TENM2: variants seen among roughly 807,000 people sequenced by gnomAD.
TENM2 encodes the protein teneurin-2.
A neutral mutation model predicts 245.2 loss-of-function variants in TENM2; 52 were observed. The observed-to-expected ratio is 0.21, with a 90% CI of 0.17 to 0.27. The LOEUF (loss-of-function observed/expected upper bound fraction) is 0.27, where lower values mean the gene tolerates loss of function less well. Among genes scored for constraint, TENM2 ranks in the 10% least tolerant of loss-of-function variants. The pLI is 1.00. For synonymous variants in TENM2, 1,363 were observed against 1,438.9 expected (o/e 0.95, Z 1.19); for missense variants, 3,046 against 3,666.8 (o/e 0.83, Z 4.37).
chr5:166,994,451 T>G, the TENM2 span, among the ~76,000 whole-genome samples: 1 of 152,196 alleles, frequency 6.6e-6, no homozygotes, highest in African/African-American at 2.4e-5. Flanking sequence ...TGAGCCAAGT[T>G]TATTTCATAG....
rs553583820 is a variant in TENM2 at position 167,862,516 on chromosome 5, T to C, written c.503-13470T>C. On this transcript the variant is annotated intron_variant, in intron 2 of 28. Coordinates refer to ENST00000518659, the Ensembl canonical transcript of TENM2. ...TGGCTCATGTATATAGGCAGCATGA[T>C]TATCACTCTCCCAGTGTAAAGTTAA... Among the ~76,000 whole-genome samples, 57 of 152,320 alleles carry C rather than the reference T, an allele frequency of 3.7e-4. No homozygotes were observed. In the Middle Eastern group the frequency reaches 0.01, roughly 27 times the overall value.
At chr5:168,187,504 A>C (rs1330676290) in intron 13 of TENM2, 1 of 152,126 alleles carries the variant, frequency 6.6e-6, no homozygotes, top group Non-Finnish European at 1.5e-5. Context: ...ACCTTAAAGA[A>C]ATCTATAGTG....
At chr5:167,977,989 C>A (rs1283594780) in intron 4 of TENM2, among the ~76,000 whole-genome samples, 1 of 152,052 alleles carries the variant, frequency 6.6e-6, no homozygotes, top group Non-Finnish European at 1.5e-5. Context: ...TCTATTAGTT[C>A]CTGCAAGATC....
chr5:167,233,709 AG>A, the TENM2 span, among the ~76,000 whole-genome samples: 2 of 152,338 alleles, frequency 1.3e-5, no homozygotes, highest in South Asian at 2.1e-4. Flanking sequence ...TAAGTATAAA[AG>A]CCATTTAGAA....
intron 2 of TENM2, among the ~76,000 whole-genome samples, chr5:167,600,088 T>TAGCCAACA (rs1314946515): frequency 6.7e-6 from 1 of 149,442 alleles, no homozygotes. Context: ...GGAGTTTGCT[T>TAGCCAACA]CATTTATAGG....
chr5:167,385,854 A>ATATG (rs1156245470), intron 2 of TENM2, among the ~76,000 whole-genome samples: 22 of 130,198 alleles, frequency 1.7e-4, no homozygotes, highest in African/African-American at 5.2e-4. Flanking sequence ...CATTATATAT[A>ATATG]TATGTGTGTG....
chr5:167,007,541 T>G, the TENM2 span, among the ~76,000 whole-genome samples: 1 of 152,226 alleles, frequency 6.6e-6, no homozygotes, highest in Admixed American at 6.5e-5. The surrounding 1 kb of genome is among the most constrained non-coding windows in gnomAD (Gnocchi z 4.2). Flanking sequence ...ATCCCTGCTG[T>G]CCTGTGGTAC....
chr5:167,004,069 A>G, the TENM2 span, among the ~76,000 whole-genome samples: 1 of 152,234 alleles, frequency 6.6e-6, no homozygotes, highest in Admixed American at 6.5e-5. Flanking sequence ...GAAATGCAGA[A>G]TAATGCTTTC....
At chr5:167,912,732 G>T (rs978125085) in intron 3 of TENM2, among the ~76,000 whole-genome samples, 1 of 152,162 alleles carries the variant, frequency 6.6e-6, no homozygotes, top group Non-Finnish European at 1.5e-5. Flanking sequence ...GGTCAGTTAC[G>T]TGTTAGGATG....
chr5:167,419,450 G>A (rs1763361946), intron 2 of TENM2, among the ~76,000 whole-genome samples: 1 of 152,190 alleles, frequency 6.6e-6, no homozygotes, highest in South Asian at 2.1e-4. Context: ...GAAAGAGTGA[G>A]ACGTCGTCTC....
At position 168,063,590 on chromosome 5, in the gene TENM2, A is replaced by G. The variant is rs116001235; in HGVS notation, c.1515+1325A>G. Among the ~76,000 whole-genome samples, 424 of 152,298 alleles carry G rather than the reference A, an allele frequency of 2.8e-3. 1 individual carries two copies. The highest frequency in any genetic ancestry group is 9.1e-3 in the African/African-American group (378 of 41,558). On this transcript the variant is annotated intron_variant, in intron 7 of 28. Coordinates refer to ENST00000518659, the Ensembl canonical transcript of TENM2. ...GTGTTGGAAAGGCAATTCATCTAGA[A>G]AATTCAATTGGAAGAACTTAAAGCT...
intron 2 of TENM2, among the ~76,000 whole-genome samples, chr5:167,388,337 T>C (rs1561915721): frequency 6.6e-6 from 1 of 152,168 alleles, no homozygotes; most frequent in African/African-American, 2.4e-5. Context: ...TTTGTATTTC[T>C]GTGGTGTCAG....
the TENM2 span, among the ~76,000 whole-genome samples, chr5:167,002,338 A>G: frequency 6.6e-6 from 1 of 152,182 alleles, no homozygotes; most frequent in Admixed American, 6.5e-5. Flanking sequence ...ACTATATTTA[A>G]AAGTTTCATC....
At chr5:167,375,420 C>T (rs947715245) in exon 2 of TENM2, 1 of 1,551,700 alleles carries the variant, frequency 6.4e-7, no homozygotes, top group Non-Finnish European at 8.7e-7. Context: ...CGTGAAAACT[C>T]GGCCCTTACC....
chr5:167,638,874 C>A (rs991471608), intron 2 of TENM2, among the ~76,000 whole-genome samples: 9 of 152,170 alleles, frequency 5.9e-5, no homozygotes, highest in Admixed American at 2.6e-4. Context: ...TCTAAGTAAT[C>A]GCTGAAAAGA....
chr5:167,527,458 G>A (rs1227813232), intron 2 of TENM2, among the ~76,000 whole-genome samples: 1 of 151,792 alleles, frequency 6.6e-6, no homozygotes, highest in Non-Finnish European at 1.5e-5. Context: ...CTCATGTGTT[G>A]CATTCTCTGG....
chr5:168,030,180 T>TTTTC, intron 5 of TENM2, among the ~76,000 whole-genome samples: 1 of 140,346 alleles, frequency 7.1e-6, no homozygotes, highest in African/African-American at 2.6e-5. Context: ...TTTTTTTTTT[T>TTTTC]TTTTTTTCAT....
At chr5:168,158,412 C>T (rs1757384500) in intron 12 of TENM2, among the ~76,000 whole-genome samples, 1 of 152,098 alleles carries the variant, frequency 6.6e-6, no homozygotes, top group Admixed American at 6.5e-5. Context: ...TGTTTTTATT[C>T]ATTCAAGCAC....
intron 2 of TENM2, among the ~76,000 whole-genome samples, chr5:167,827,130 A>G (rs1336535651): frequency 6.6e-6 from 1 of 152,166 alleles, no homozygotes; most frequent in Non-Finnish European, 1.5e-5. Context: ...TGGCCTTCCC[A>G]CTGCTGCTGT....
Sources: allele counts gnomAD v4.1 joint callset (sites outside exome capture counted in the v4.1 genomes callset), GRCh38; gene constraint gnomAD v4.1.1; non-coding constraint Gnocchi (gnomAD v3.1); transcripts MANE v1.5; gene names NCBI Gene and HGNC (gene_info 2026-07-23, HGNC 2026-07-21).